The following SPATA16 variants were observed in gnomAD, a reference collection of about 807,000 sequenced individuals.
SPATA16 encodes the protein spermatogenesis associated 16.
In SPATA16, 36 loss-of-function variants were observed where a neutral mutation model predicts 63.3. That is an observed-to-expected ratio of 0.57 (90% CI 0.44 to 0.75). The LOEUF (loss-of-function observed/expected upper bound fraction) is 0.75, where lower values mean the gene tolerates loss of function less well. Among genes scored for constraint, SPATA16 ranks in the 30% least tolerant of loss-of-function variants. The pLI, the probability that SPATA16 is intolerant of heterozygous loss-of-function variation, is 0.00. For missense variants in SPATA16, 646 were observed against 679.3 expected, an observed-to-expected ratio of 0.95 and a Z score of 0.54; for synonymous variants, 203 against 216.7, an observed-to-expected ratio of 0.94 and a Z score of 0.56.
intron 2 of SPATA16, among the ~76,000 whole-genome samples, chr3:173,051,995 G>A (rs960625085): frequency 1.3e-5 from 2 of 151,588 alleles, no homozygotes; most frequent in Non-Finnish European, 2.9e-5. Flanking sequence ...ATTTTCAGCA[G>A]AGACAGGGTT....
chr3:172,889,681 A>G lies in SPATA16; in HGVS notation c.1599T>C (p.Ile533=). The G allele has an allele frequency of 6.2e-7, 1 of 1,613,272 alleles. No homozygotes were observed. Among genetic ancestry groups the G allele is most frequent in the Non-Finnish European group, 8.5e-7 (1 of 1,179,794 alleles). The part of the protein sequence containing the change: ...VWNMIQKVGQ[I]EDFLYQLEDS... ...CCTCTAATTGGTATAGAAAATCTTC[A>G]ATTTGTCCAACCTAGAAGAAATAAA... is the stretch of plus-strand genomic sequence containing the variant. The change falls in exon 11 of 11, where the codon ATT becomes ATC. Residue 533 remains isoleucine, a synonymous_variant. Transcript: ENST00000351008.
intron 10 of SPATA16, among the ~76,000 whole-genome samples, chr3:172,911,690 T>C (rs1732374863): frequency 6.6e-6 from 1 of 152,232 alleles, no homozygotes; most frequent in East Asian, 1.9e-4. Context: ...AACCTTTCCC[T>C]ATTCCCTGCT....
At chr3:173,073,728 C>T (rs1736725442) in intron 2 of SPATA16, among the ~76,000 whole-genome samples, 1 of 152,204 alleles carries the variant, frequency 6.6e-6, no homozygotes, top group South Asian at 2.1e-4. Context: ...GGGGTTGAAA[C>T]CCCCACACAG....
chr3:172,947,842 C>G (rs925960089), intron 6 of SPATA16, among the ~76,000 whole-genome samples: 9 of 151,960 alleles, frequency 5.9e-5, no homozygotes, highest in Non-Finnish European at 8.8e-5. Context: ...GGGTTTAAAA[C>G]CTAGATGATG....
At chr3:173,050,787 A>G (rs750232191) in intron 2 of SPATA16, among the ~76,000 whole-genome samples, 3 of 152,228 alleles carry the variant, frequency 2.0e-5, no homozygotes, top group Non-Finnish European at 4.4e-5. Flanking sequence ...AAATTAGCAA[A>G]GACTATTTGT....
At chr3:173,067,120 A>AG (rs915969345) in intron 2 of SPATA16, among the ~76,000 whole-genome samples, 3 of 152,122 alleles carry the variant, frequency 2.0e-5, no homozygotes, top group African/African-American at 7.2e-5. Flanking sequence ...CAATCAGACG[A>AG]GAAAAAGGAA....
At chr3:172,950,174 T>C (rs191952917) in intron 6 of SPATA16, among the ~76,000 whole-genome samples, 12 of 152,336 alleles carry the variant, frequency 7.9e-5, no homozygotes, top group African/African-American at 2.9e-4. Flanking sequence ...TTCAGGGGTT[T>C]CAGGTGCAGT....
intron 5 of SPATA16, among the ~76,000 whole-genome samples, chr3:172,959,295 A>T (rs979642417): frequency 2.6e-5 from 4 of 152,320 alleles, no homozygotes; most frequent in African/African-American, 7.2e-5. Flanking sequence ...ACCAGCTTTT[A>T]AAAAAGTGGC....
chr3:173,102,291 A>G (rs1045812967), intron 2 of SPATA16, among the ~76,000 whole-genome samples: 2 of 152,206 alleles, frequency 1.3e-5, no homozygotes, highest in Admixed American at 6.5e-5. Context: ...ACAGGTTCTT[A>G]TATGTTCAAA....
rs182589463 is a variant in SPATA16, at chr3:172,998,022, G to C, written c.849-20970C>G. 4.8e-4 allele frequency among the ~76,000 whole-genome samples: 73 copies of C among 151,920 alleles called. 1 individual carries two copies. The highest frequency in any genetic ancestry group is 2.1e-4 in the South Asian group (1 of 4,812). ...CTTCAATACTGAGTTGACTATTCTG[G>C]GTCTTCTACCTCTCTATATATATTT... On this transcript the variant is annotated intron_variant, in intron 4 of 10. Transcript: ENST00000351008.
intron 1 of SPATA16, among the ~76,000 whole-genome samples, chr3:173,118,721 G>C (rs1737976694): frequency 6.6e-6 from 1 of 152,132 alleles, no homozygotes; most frequent in Non-Finnish European, 1.5e-5. Context: ...ACATTGGTTG[G>C]TCATTAGCAA....
intron 2 of SPATA16, among the ~76,000 whole-genome samples, chr3:173,085,973 TTTTC>T (rs554031468): frequency 7.3e-5 from 11 of 150,310 alleles, no homozygotes; most frequent in East Asian, 2.0e-4. Context: ...GACCTTGAAA[TTTTC>T]TTTCTTTCTT....
chr3:173,087,985 CTGA>C (rs1478042510), intron 2 of SPATA16, among the ~76,000 whole-genome samples: 12 of 149,968 alleles, frequency 8.0e-5, no homozygotes, highest in Non-Finnish European at 1.8e-4. Context: ...CTTGGAGAAT[CTGA>C]TGATTAGCAT....
intron 7 of SPATA16, among the ~76,000 whole-genome samples, 199 bp downstream of exon 7, chr3:172,925,147 A>AT (rs1192630003): frequency 6.6e-6 from 1 of 151,944 alleles, no homozygotes; most frequent in Non-Finnish European, 1.5e-5. Context: ...AGATGATTAG[A>AT]TGATTAGAGT....
chr3:173,020,669 G>T (rs1735305341), intron 3 of SPATA16, among the ~76,000 whole-genome samples: 1 of 152,146 alleles, frequency 6.6e-6, no homozygotes, highest in Non-Finnish European at 1.5e-5. Context: ...GCCTATTATG[G>T]GTAGGTATTG....
intron 3 of SPATA16, among the ~76,000 whole-genome samples, chr3:173,024,627 C>A (rs932251392): frequency 1.3e-5 from 2 of 150,336 alleles, no homozygotes; most frequent in Non-Finnish European, 3.0e-5. Flanking sequence ...GAGAAATGAA[C>A]AAATAAAAAA....
At chr3:173,129,737 C>G (rs965184855) in intron 1 of SPATA16, among the ~76,000 whole-genome samples, 1 of 152,016 alleles carries the variant, frequency 6.6e-6, no homozygotes, top group Admixed American at 6.6e-5. Flanking sequence ...ACATGAAAAT[C>G]GAGTCAAGAC....
intron 2 of SPATA16, among the ~76,000 whole-genome samples, chr3:173,049,806 T>G (rs1736041628): frequency 6.6e-6 from 1 of 152,154 alleles, no homozygotes. Context: ...TAATTTTTTT[T>G]GGAGAACCCC....
chr3:173,015,882 GT>G (rs1735175198), intron 4 of SPATA16, among the ~76,000 whole-genome samples: 2 of 152,088 alleles, frequency 1.3e-5, no homozygotes, highest in African/African-American at 4.8e-5. Context: ...GTGTGTGTGT[GT>G]GTGTGTGTGT....
Sources: allele counts gnomAD v4.1 joint callset (sites outside exome capture counted in the v4.1 genomes callset), GRCh38; gene constraint gnomAD v4.1.1; transcripts MANE v1.5; gene names NCBI Gene and HGNC (gene_info 2026-07-23, HGNC 2026-07-21).